GXYLT1: variants seen among roughly 807,000 people sequenced by gnomAD.
GXYLT1 encodes the protein glucoside xylosyltransferase 1.
Under a neutral mutation model 54.0 loss-of-function variants are expected in GXYLT1, and 29 were observed. The observed-to-expected ratio is 0.54, with a 90% CI of 0.40 to 0.73. The LOEUF is 0.73. Ranked by LOEUF, GXYLT1 falls within the 30% of genes least tolerant of loss-of-function variation. The pLI is 0.00. For missense variants in GXYLT1, 490 were observed against 553.4 expected, an observed-to-expected ratio of 0.89 and a Z score of 1.15; for synonymous variants, 176 against 204.1, an observed-to-expected ratio of 0.86 and a Z score of 1.17.
intron 3 of GXYLT1, among the ~76,000 whole-genome samples, chr12:42,114,027 C>A (rs1388379450): frequency 1.3e-5 from 2 of 152,194 alleles, no homozygotes; most frequent in African/African-American, 2.4e-5. Context: ...TCCGGAATGA[C>A]TACTAGGTAA....
At chr12:42,096,642 A>T (rs994714686) in intron 7 of GXYLT1, among the ~76,000 whole-genome samples, 1 of 152,214 alleles carries the variant, frequency 6.6e-6, no homozygotes, top group African/African-American at 2.4e-5. Context: ...TCAATTTGCA[A>T]ATAACATGGT....
intron 3 of GXYLT1, among the ~76,000 whole-genome samples, chr12:42,111,084 T>C (rs2065451290): frequency 6.6e-6 from 1 of 152,266 alleles, no homozygotes; most frequent in African/African-American, 2.4e-5. Context: ...GGCAGCAGTC[T>C]ATTACTATTC....
chr12:42,139,471 TG>T (rs1384595453), intron 1 of GXYLT1, among the ~76,000 whole-genome samples: 2 of 151,970 alleles, frequency 1.3e-5, no homozygotes, highest in African/African-American at 4.8e-5. Flanking sequence ...ATGGGATTAG[TG>T]GGGGGCCTTA....
intron 7 of GXYLT1, among the ~76,000 whole-genome samples, chr12:42,096,428 C>A (rs1358168558): frequency 6.6e-6 from 1 of 152,100 alleles, no homozygotes; most frequent in East Asian, 1.9e-4. Flanking sequence ...ATGGGGCTCC[C>A]AATGGCCATA....
intron 5 of GXYLT1, among the ~76,000 whole-genome samples, chr12:42,104,285 ACC>A (rs1257111460): frequency 2.0e-5 from 3 of 151,146 alleles, no homozygotes; most frequent in Non-Finnish European, 4.4e-5. Context: ...ATCTTACAGC[ACC>A]ATCTTCTGGT....
chr12:42,122,452 T>C (rs2065536814), intron 2 of GXYLT1, among the ~76,000 whole-genome samples: 1 of 152,002 alleles, frequency 6.6e-6, no homozygotes, highest in Non-Finnish European at 1.5e-5. Flanking sequence ...TAGCCGGGCA[T>C]GGTGGCACAC....
chr12:42,140,103 C>A (rs1756349524), intron 1 of GXYLT1, among the ~76,000 whole-genome samples: 1 of 147,540 alleles, frequency 6.8e-6, no homozygotes. Flanking sequence ...ATGGCATGAA[C>A]CCGGGAGGCG....
intron 7 of GXYLT1, 79 bp downstream of exon 7, chr12:42,097,363 G>T: frequency 9.0e-7 from 1 of 1,113,392 alleles, no homozygotes; most frequent in Non-Finnish European, 1.2e-6. Flanking sequence ...AAAATTCTTT[G>T]TACTATTTTT....
intron 5 of GXYLT1, among the ~76,000 whole-genome samples, chr12:42,105,172 T>A (rs900694708): frequency 6.6e-6 from 1 of 152,200 alleles, no homozygotes; most frequent in Admixed American, 6.5e-5. Context: ...CTAATCTACA[T>A]GAAACTGGTA....
At chr12:42,122,371 T>C (rs553953527) in intron 2 of GXYLT1, among the ~76,000 whole-genome samples, 2 of 152,020 alleles carry the variant, frequency 1.3e-5, no homozygotes, top group African/African-American at 4.8e-5. Flanking sequence ...GGGTGAATCA[T>C]TTGAGGTCAA....
At chr12:42,125,040 T>C (rs185924321) in intron 2 of GXYLT1, among the ~76,000 whole-genome samples, 11 of 152,104 alleles carry the variant, frequency 7.2e-5, no homozygotes, top group Admixed American at 7.2e-4. Flanking sequence ...TGGATGAAGA[T>C]TCACAGTCAC....
At chr12:42,126,614 C>T (rs1027648987) in intron 2 of GXYLT1, among the ~76,000 whole-genome samples, 3 of 151,928 alleles carry the variant, frequency 2.0e-5, no homozygotes, top group African/African-American at 4.8e-5. Flanking sequence ...AAGATTAGGC[C>T]GGGGGCGGTG....
intron 2 of GXYLT1, among the ~76,000 whole-genome samples, chr12:42,129,238 C>T (rs1365353879): frequency 6.6e-6 from 1 of 152,152 alleles, no homozygotes; most frequent in African/African-American, 2.4e-5. Context: ...TAGTCAGTAA[C>T]TTAAAAGGTC....
chr12:42,090,391 T>A (rs2065322868), intron 7 of GXYLT1, among the ~76,000 whole-genome samples: 2 of 152,220 alleles, frequency 1.3e-5, no homozygotes, highest in East Asian at 3.8e-4. Context: ...CCTCTTTTTA[T>A]ACTATATACT....
Position 42,105,828 on chromosome 12 carries a change from T to G in GXYLT1, c.854A>C (p.Lys285Thr). ...MLMNMTRMRR[K>T]YFKNDMTTVR... ...GTATTAGTGACTTACCTTGAAATAC[T>G]TCCTTCTCATTCGAGTCATGTTCAT... Residue 285 changes from lysine to threonine, a missense_variant, in exon 5 of 8, where the codon AAG (lysine) becomes ACG (threonine). By Grantham distance (78) the Lys-to-Thr change is moderately conservative. Coordinates refer to ENST00000398675, the MANE Select transcript of GXYLT1 (RefSeq NM_173601.2). 6.2e-7 allele frequency: 1 copy of G among 1,611,522 alleles called. No homozygotes were observed. Among genetic ancestry groups the G allele is most frequent in the Non-Finnish European group, 8.5e-7 (1 of 1,178,980 alleles).
chr12:42,120,395 A>AT (rs1416333311), intron 2 of GXYLT1, among the ~76,000 whole-genome samples: 1 of 152,228 alleles, frequency 6.6e-6, no homozygotes, highest in African/African-American at 2.4e-5. Context: ...GTCAAACACT[A>AT]GTATGTCTTT....
intron 2 of GXYLT1, among the ~76,000 whole-genome samples, chr12:42,120,575 T>C (rs1411582084): frequency 6.6e-6 from 1 of 152,120 alleles, no homozygotes; most frequent in Non-Finnish European, 1.5e-5. Context: ...CTATCACCCA[T>C]GATGGAGTAC....
chr12:42,095,553 A>C (rs1392088371), intron 7 of GXYLT1, among the ~76,000 whole-genome samples: 2 of 152,206 alleles, frequency 1.3e-5, no homozygotes, highest in Admixed American at 6.5e-5. Context: ...GAACATACAT[A>C]CATCTGCTCA....
intron 3 of GXYLT1, 63 bp downstream of exon 3, chr12:42,118,937 T>G: frequency 8.3e-7 from 1 of 1,202,726 alleles, no homozygotes; most frequent in Non-Finnish European, 1.2e-6. Context: ...TACAACAACA[T>G]TCTATTATAG....
Sources: gnomAD v4.1 joint callset for allele counts (sites outside exome capture counted in the v4.1 genomes callset) on GRCh38, gnomAD v4.1.1 for gene constraint, MANE v1.5 for transcripts, NCBI Gene and HGNC (gene_info 2026-07-23, HGNC 2026-07-21) for gene names.